The following FRY variants were observed in gnomAD, a reference collection of about 807,000 sequenced individuals.
The protein encoded by FRY is protein furry homolog.
FRY carries 128 observed loss-of-function variants against 348.4 expected under a neutral mutation model. The observed-to-expected ratio is 0.37, with a 90% confidence interval of 0.32 to 0.43. The LOEUF (loss-of-function observed/expected upper bound fraction) is 0.43. Ranked by LOEUF, FRY falls within the 20% of genes least tolerant of loss-of-function variation. FRY has a pLI of 1.00. For synonymous variants in FRY, 1,370 were observed against 1,374.7 expected (o/e 1.00, Z 0.08); for missense variants, 2,736 against 3,695.2 (o/e 0.74, Z 6.73).
intron 2 of FRY, among the ~76,000 whole-genome samples, chr13:32,089,641 G>A (rs1356620825): frequency 1.3e-5 from 2 of 152,126 alleles, no homozygotes; most frequent in Admixed American, 1.3e-4. Flanking sequence ...CAGGCGTGGT[G>A]GCACATGCCT....
chr13:32,062,788 T>C (rs144505107), intron 1 of FRY, among the ~76,000 whole-genome samples: 187 of 152,256 alleles, frequency 1.2e-3, no homozygotes, highest in African/African-American at 4.1e-3. Context: ...TGAGCTTCTG[T>C]TGTAAACACT....
At chr13:32,223,523 C>A (rs768297235) in intron 36 of FRY, among the ~76,000 whole-genome samples, 1 of 152,106 alleles carries the variant, frequency 6.6e-6, no homozygotes, top group Non-Finnish European at 1.5e-5. Flanking sequence ...CACCTGTAAT[C>A]CCAAAACTTT....
chr13:32,237,339 A>G lies in FRY; in HGVS notation c.5811-40A>G. ...TGAAAGGACTGGCTTTTGGTGACAC[A>G]TGTTGGCATCCTATTAAACTTATTT... On this transcript the variant is annotated intron_variant, in intron 43 of 60. Coordinates refer to ENST00000542859, the MANE Select transcript of FRY (RefSeq NM_023037.3). This position sits in a 1 kb window ranked among gnomAD's most constrained non-coding sequence, Gnocchi z 6.3. 1 of 1,608,492 alleles carries G rather than the reference A, an allele frequency of 6.2e-7. No homozygotes were observed. Among genetic ancestry groups the G allele is most frequent in the Non-Finnish European group, 8.5e-7 (1 of 1,178,340 alleles).
intron 51 of FRY, chr13:32,258,106 T>C (rs1276478417): frequency 6.8e-6 from 5 of 731,892 alleles, no homozygotes; most frequent in Non-Finnish European, 1.2e-5. Flanking sequence ...TCCATTTAGG[T>C]GTGTGATATA....
chr13:32,238,126 T>C, intron 44 of FRY, 140 bp downstream of exon 44: 1 of 905,494 alleles, frequency 1.1e-6, no homozygotes, highest in Non-Finnish European at 1.8e-6. Context: ...TTTTTTCTCA[T>C]AAAATTCTAT....
At chr13:32,102,088 C>T (rs1358023696) in intron 3 of FRY, 72 bp downstream of exon 3, 18 of 869,672 alleles carry the variant, frequency 2.1e-5, no homozygotes, top group Non-Finnish European at 3.4e-5. Context: ...TCTGCATGCT[C>T]ACTATTGTTG....
chr13:32,183,662 G>A (rs1417302743), intron 24 of FRY, among the ~76,000 whole-genome samples: 1 of 151,552 alleles, frequency 6.6e-6, no homozygotes, highest in Non-Finnish European at 1.5e-5. Flanking sequence ...TGTAGTCCCA[G>A]CTACTCTGGA....
In FRY at chr13:32,209,702, G is replaced by A. The variant is rs777216976; in HGVS notation, c.4393G>A (p.Val1465Ile). The change falls in exon 33 of 61, where the codon GTC (valine) becomes ATC (isoleucine). Residue 1465 changes from valine to isoleucine, a missense_variant. Around this residue, in one of 9 missense-constraint regions of FRY, gnomAD observed 794 missense variants for 977.0 expected, o/e 0.81. Transcript: ENST00000542859. ...GCAGTTCCTGATTAGCCTCTGTGGG[G>A]TCAGCAGCGACACAGTTCTCCTACC... ...TLQFLISLCG[V>I]SSDTVLLPYI... 6.8e-6 allele frequency: 11 copies of A among 1,614,152 alleles called. No homozygotes were observed. The highest frequency in any genetic ancestry group is 9.3e-6 in the Non-Finnish European group (11 of 1,180,010).
rs963611276 is a variant in FRY, at chr13:32,127,582, C to A, written c.716+2707C>A. Among the ~76,000 whole-genome samples, 2 of 152,078 alleles carry A rather than the reference C, an allele frequency of 1.3e-5. 1 individual carries two copies. The highest frequency in any genetic ancestry group is 1.3e-4 in the Admixed American group (2 of 15,266). ...CACAAGGCCAGGAGATCGAGACCATCCTGGCTAACACGTTGAAACCCCGTC... is the reference window on the plus strand; with the variant it reads ...CACAAGGCCAGGAGATCGAGACCATACTGGCTAACACGTTGAAACCCCGTC... On this transcript the variant is annotated intron_variant, in intron 7 of 60. Transcript: ENST00000542859.
At chr13:32,255,671 A>G (rs1887293537) in intron 51 of FRY, among the ~76,000 whole-genome samples, 1 of 152,222 alleles carries the variant, frequency 6.6e-6, no homozygotes, top group South Asian at 2.1e-4. Context: ...ACCAATAAAA[A>G]GTATTGCAGG....
At chr13:32,061,714 A>T (rs1318405907) in intron 1 of FRY, among the ~76,000 whole-genome samples, 1 of 152,202 alleles carries the variant, frequency 6.6e-6, no homozygotes, top group Non-Finnish European at 1.5e-5. Flanking sequence ...TTATAAATTT[A>T]AAAACAGGAC....
intron 11 of FRY, among the ~76,000 whole-genome samples, chr13:32,140,084 T>TAAAAA (rs145494759): frequency 7.0e-6 from 1 of 143,686 alleles, no homozygotes; most frequent in East Asian, 2.0e-4. Flanking sequence ...CCCAGATTAT[T>TAAAAA]AAAAAAAAAA....
rs1447584163 is a variant in FRY at position 32,157,253 on chromosome 13, C to T, written c.1652-20C>T. On this transcript the variant is annotated intron_variant, in intron 15 of 60. Transcript: ENST00000542859. ...TTGATAGATTCAGTTGAAGGTATAA[C>T]TATAATGCATGTTTTTCAGGCATGT... 2 of 1,604,928 alleles carry T rather than the reference C, an allele frequency of 1.2e-6. No homozygotes were observed. Among genetic ancestry groups the T allele is most frequent in the African/African-American group, 1.3e-5 (1 of 74,726 alleles).
intron 46 of FRY, among the ~76,000 whole-genome samples, chr13:32,240,844 T>G (rs977636589): frequency 1.3e-5 from 2 of 152,190 alleles, no homozygotes; most frequent in African/African-American, 2.4e-5. Context: ...AGATGCCAGA[T>G]AGGTTAAAAA....
intron 1 of FRY, among the ~76,000 whole-genome samples, chr13:32,053,450 A>C (rs1240285375): frequency 2.0e-5 from 3 of 152,210 alleles, no homozygotes; most frequent in African/African-American, 7.2e-5. Flanking sequence ...ATACTATTAA[A>C]ATGCTGCAGG....
At chr13:32,209,247 G>A in intron 32 of FRY, 138 bp downstream of exon 32, 1 of 1,000,940 alleles carries the variant, frequency 1.0e-6, no homozygotes. Context: ...TGGTTGCACA[G>A]AAATATGAAT....
chr13:32,238,459 GT>G (rs869050009), intron 44 of FRY, among the ~76,000 whole-genome samples: 1 of 130,384 alleles, frequency 7.7e-6, no homozygotes, highest in Non-Finnish European at 1.6e-5. Flanking sequence ...GTTTTGTTTT[GT>G]TTTTGTTTTT....
At chr13:32,216,150 T>C (rs1884979009) in intron 35 of FRY, among the ~76,000 whole-genome samples, 1 of 152,178 alleles carries the variant, frequency 6.6e-6, no homozygotes, top group Non-Finnish European at 1.5e-5. Context: ...TCAGAGCTAT[T>C]TTCATGAGGT....
Position 32,131,760 on chromosome 13 carries a change from A to T in FRY, c.805A>T (p.Ser269Cys), listed in dbSNP as rs779186855. 1.2e-6 allele frequency: 2 copies of T among 1,613,362 alleles called. No individual in the cohort carries two copies. Among genetic ancestry groups the T allele is most frequent in the South Asian group, 2.2e-5 (2 of 91,076 alleles). Residue 269 changes from serine to cysteine, a missense_variant, in exon 8 of 61, where the codon AGC becomes TGC. Physicochemically the swap from Ser to Cys is moderately radical, Grantham distance 112. Coordinates refer to ENST00000542859, the MANE Select transcript of FRY (RefSeq NM_023037.3). ...QNPYVVQSIISLIMGMKFFRI... is the reference protein window; with the variant it reads ...QNPYVVQSIICLIMGMKFFRI... ...CCCATATGTGGTTCAAAGCATTATCAGCTTAATAATGGGCATGAAATTCTT... is the reference window on the plus strand; with the variant it reads ...CCCATATGTGGTTCAAAGCATTATCTGCTTAATAATGGGCATGAAATTCTT...
Sources: allele counts gnomAD v4.1 joint callset (sites outside exome capture counted in the v4.1 genomes callset), GRCh38; gene constraint gnomAD v4.1.1; regional missense constraint gnomAD v4.1.1; non-coding constraint Gnocchi (gnomAD v3.1); transcripts MANE v1.5; gene names NCBI Gene and HGNC (gene_info 2026-07-23, HGNC 2026-07-21).